Variants in NHS observed in about 807,000 individuals in gnomAD.
The protein encoded by NHS is NHS actin remodeling regulator.
NHS carries 5 observed loss-of-function variants against 72.5 expected under a neutral mutation model. That is an observed-to-expected ratio of 0.07 (90% CI 0.04 to 0.14). The LOEUF is 0.14. NHS is among the 10% of genes least tolerant of loss of function. The pLI, the probability that NHS is intolerant of heterozygous loss-of-function variation, is 1.00. For synonymous variants in NHS, 464 were observed against 547.7 expected (o/e 0.85, Z 2.13); for missense variants, 1,072 against 1,355.7 (o/e 0.79, Z 3.29).
At position 17,394,006 on chromosome X, in the gene NHS, C is replaced by A. The variant is rs188687942; in HGVS notation, c.565+17684C>A. On this transcript the variant is annotated intron_variant, in intron 1 of 8. Transcript: ENST00000676302. ...CTCAATGAATAGTACGACATTCCGCCCCCCCACCGCACCCTCAGCCCCACA... is the reference window on the plus strand; with the variant it reads ...CTCAATGAATAGTACGACATTCCGCACCCCCACCGCACCCTCAGCCCCACA... 7.3e-3 allele frequency among the ~76,000 whole-genome samples: 812 copies of A among 111,475 alleles called. 2 individuals are homozygous for A. The highest frequency in any genetic ancestry group is 0.011 in the Non-Finnish European group (582 of 53,017).
chrX:17,569,034 A>G (rs1336895589), intron 1 of NHS, among the ~76,000 whole-genome samples: 1 of 111,582 alleles, frequency 9.0e-6, no homozygotes, highest in African/African-American at 3.3e-5. Context: ...CATGGTGTAT[A>G]TGTGCCACAT....
intron 1 of NHS, among the ~76,000 whole-genome samples, chrX:17,408,954 G>GGAGAGAGAGAGA (rs369974924): frequency 2.1e-4 from 22 of 103,418 alleles, no homozygotes; most frequent in African/African-American, 7.0e-4. Context: ...GACGGAGAGA[G>GGAGAGAGAGAGA]GAGAGAGAGA....
intron 3 of NHS, among the ~76,000 whole-genome samples, chrX:17,718,971 G>A (rs1267312791): frequency 2.1e-5 from 2 of 95,611 alleles, no homozygotes; most frequent in Non-Finnish European, 4.1e-5. Context: ...AAGGAGGGAA[G>A]GAAGAAAGGA....
At chrX:17,680,757 A>G (rs2066123109) in intron 1 of NHS, among the ~76,000 whole-genome samples, 2 of 111,998 alleles carry the variant, frequency 1.8e-5, no homozygotes, top group African/African-American at 6.5e-5. Flanking sequence ...AAAAAAATAC[A>G]GAAGTCCAAA....
chrX:17,520,361 A>G (rs1394300925), intron 1 of NHS, among the ~76,000 whole-genome samples: 1 of 112,702 alleles, frequency 8.9e-6, no homozygotes, highest in African/African-American at 3.2e-5. Flanking sequence ...ATGAAAGCAC[A>G]GACAGTGATA....
At chrX:17,624,503 A>G (rs760202281) in intron 1 of NHS, among the ~76,000 whole-genome samples, 1 of 112,690 alleles carries the variant, frequency 8.9e-6, no homozygotes, top group Non-Finnish European at 1.9e-5. Context: ...TTCTAACACC[A>G]TAGATTAGAT....
At position 17,375,973 on chromosome X, in the gene NHS, G is replaced by A. The variant is rs2146834562; in HGVS notation, c.216G>A (p.Pro72=). 4.7e-6 allele frequency: 5 copies of A among 1,071,946 alleles called. No homozygotes were observed. The highest frequency in any genetic ancestry group is 4.2e-5 in the East Asian group (1 of 23,642). 88.3% of individuals were successfully genotyped at this position (1,071,946 alleles called of 1,213,427 possible). The change falls in exon 1 of 9, where the codon CCG becomes CCA. Residue 72 remains proline, a synonymous_variant. Coordinates refer to ENST00000676302, the MANE Select transcript of NHS (RefSeq NM_001291867.2). ...PAPSGLPPPP[P]PLPAPADQTQ... is the part of the protein sequence containing the mutation. ...CTTCAGGGCTGCCACCGCCGCCGCCGCCACTGCCCGCGCCGGCCGACCAGA... is the reference window on the plus strand; with the variant it reads ...CTTCAGGGCTGCCACCGCCGCCGCCACCACTGCCCGCGCCGGCCGACCAGA...
At chrX:17,554,481 C>T (rs1039804622) in intron 1 of NHS, among the ~76,000 whole-genome samples, 12 of 112,512 alleles carry the variant, frequency 1.1e-4, no homozygotes, top group African/African-American at 3.9e-4. Context: ...AAGATGTTCA[C>T]GTTAGGCACC....
chrX:17,557,109 T>TTGTGTGTGTGTGTGTG (rs56659086), intron 1 of NHS: 1 of 87,675 alleles, frequency 1.1e-5, no homozygotes, highest in African/African-American at 4.4e-5. Context: ...AAGGGGGATT[T>TTGTGTGTGTGTGTGTG]TGTGTGTGTG....
chrX:17,682,717 G>A (rs1210087256), intron 1 of NHS, among the ~76,000 whole-genome samples: 1 of 111,170 alleles, frequency 9.0e-6, no homozygotes, highest in African/African-American at 3.3e-5. Flanking sequence ...GTGGGGATGT[G>A]AGGTAAGGAG....
intron 1 of NHS, among the ~76,000 whole-genome samples, chrX:17,594,741 A>G (rs779069109): frequency 8.9e-6 from 1 of 112,992 alleles, no homozygotes; most frequent in Non-Finnish European, 1.9e-5. Flanking sequence ...GCGTCCTCTC[A>G]GAAGGGGCAT....
chrX:17,520,943 A>C (rs2071039278), intron 1 of NHS, among the ~76,000 whole-genome samples: 1 of 110,617 alleles, frequency 9.0e-6, no homozygotes, highest in Non-Finnish European at 1.9e-5. Context: ...CCTCAACCCC[A>C]CCCCAGACCC....
intron 1 of NHS, among the ~76,000 whole-genome samples, chrX:17,429,257 T>TGTGCGC (rs1460333806): frequency 2.8e-5 from 3 of 106,528 alleles, no homozygotes; most frequent in African/African-American, 1.0e-4. Context: ...TGTGTGTGTG[T>TGTGCGC]GCACACGTGC....
intron 1 of NHS, among the ~76,000 whole-genome samples, chrX:17,668,258 C>T (rs1601826447): frequency 9.0e-6 from 1 of 110,614 alleles, no homozygotes; most frequent in East Asian, 2.9e-4. Context: ...GAGACCTTGT[C>T]TCACACACAC....
intron 1 of NHS, among the ~76,000 whole-genome samples, chrX:17,386,396 C>T (rs1200785540): frequency 3.6e-5 from 4 of 111,387 alleles, no homozygotes; most frequent in South Asian, 3.8e-4. Flanking sequence ...CGTAGTGGCT[C>T]ATGCCTCTAA....
chrX:17,609,466 G>A (rs892648814), intron 1 of NHS, among the ~76,000 whole-genome samples: 1 of 111,834 alleles, frequency 8.9e-6, no homozygotes, highest in African/African-American at 3.3e-5. Context: ...CATAGCATTT[G>A]GGTGGTGGTG....
At chrX:17,731,608 T>C (rs950279013) in intron 8 of NHS, among the ~76,000 whole-genome samples, 33 of 111,140 alleles carry the variant, frequency 3.0e-4, no homozygotes, top group African/African-American at 1.0e-3. Flanking sequence ...TTAGCCATTA[T>C]CTGAAATGAT....
rs190395716 is a variant in NHS, at chrX:17,658,543, C to T, written c.566-29199C>T. On this transcript the variant is annotated intron_variant, in intron 1 of 8. Transcript: ENST00000676302. Reference sequence around the variant, plus strand: ...ATCGTGACTGGGGGGAAGGAAGAGACCAGGAAACAGCACCTTTGAGATATC... The same window carrying T: ...ATCGTGACTGGGGGGAAGGAAGAGATCAGGAAACAGCACCTTTGAGATATC... Among the ~76,000 whole-genome samples the T allele has an allele frequency of 2.3e-3, 254 of 111,885 alleles. 1 individual carries two copies. The highest frequency in any genetic ancestry group is 7.5e-3 in the African/African-American group (231 of 30,748).
At position 17,495,397 on chromosome X, in the gene NHS, C is replaced by T. The variant is rs1338174010; in HGVS notation, c.565+119075C>T. Among the ~76,000 whole-genome samples, 4 of 112,059 alleles carry T rather than the reference C, an allele frequency of 3.6e-5. No individual in the cohort carries two copies. The Admixed American group carries it at 3.8e-4, about 11-fold the overall frequency. On this transcript the variant is annotated intron_variant, in intron 1 of 8. Transcript: ENST00000676302. ...GAATCATTTTTATAAAAATGTTACT[C>T]ATAGACCAAAAACTTAATAATATTG...
Sources: allele counts gnomAD v4.1 joint callset (sites outside exome capture counted in the v4.1 genomes callset), GRCh38; gene constraint gnomAD v4.1.1; transcripts MANE v1.5; gene names NCBI Gene and HGNC (gene_info 2026-07-23, HGNC 2026-07-21).